ETAA1: variants seen among roughly 807,000 people sequenced by gnomAD.
The protein encoded by ETAA1 is ewing's tumor-associated antigen 1.
In ETAA1, 49 loss-of-function variants were observed where a neutral mutation model predicts 76.8. That is an observed-to-expected ratio of 0.64 (90% CI 0.51 to 0.81). ETAA1 has a LOEUF of 0.81. Among genes scored for constraint, ETAA1 ranks in the 30% least tolerant of loss-of-function variants. ETAA1 has a pLI of 0.00. For missense variants in ETAA1, 1,099 were observed against 1,074.0 expected, an observed-to-expected ratio of 1.02 and a Z score of -0.32; for synonymous variants, 373 against 372.2, an observed-to-expected ratio of 1.00 and a Z score of -0.03.
Position 67,402,939 on chromosome 2 carries a change from A to T in ETAA1, c.507A>T (p.Ala169=), listed in dbSNP as rs1427406813. 3.7e-6 allele frequency: 6 copies of T among 1,606,766 alleles called. No individual in the cohort carries two copies. The highest frequency in any genetic ancestry group is 5.1e-6 in the Non-Finnish European group (6 of 1,176,468). The part of the protein sequence containing the change: ...ETAIPCTPSV[A]KGKSRAKISC... ...CTATTCCTTGTACTCCCAGTGTAGC[A>T]AAAGGAAAATCAAGAGCAAAAATCA... Residue 169 remains alanine, a synonymous_variant, in exon 4 of 6, where the codon GCA becomes GCT. Transcript: ENST00000272342.
At chr2:67,399,459 T>A in intron 2 of ETAA1, 91 bp from the exon 3 acceptor site, 1 of 1,173,744 alleles carries the variant, frequency 8.5e-7, no homozygotes, top group Non-Finnish European at 1.2e-6. Flanking sequence ...TAAGCTGCAC[T>A]AAATAAAATT....
rs754623782 is a variant in ETAA1, at chr2:67,399,540, G to T, written c.353-10G>T. 9 of 1,570,506 alleles carry T rather than the reference G, an allele frequency of 5.7e-6. No homozygotes were observed. Among genetic ancestry groups the T allele is most frequent in the Non-Finnish European group, 5.2e-6 (6 of 1,151,876 alleles). ...GTTTAAAATTTATAGAAATGTCTTT[G>T]TTTCTTTAGGTAAAGGAAGAAAAAA... On this transcript the variant is annotated splice_polypyrimidine_tract_variant and intron_variant, in intron 2 of 5. Transcript: ENST00000272342.
At chr2:67,399,370 C>A in intron 2 of ETAA1, 73 bp downstream of exon 2, 1 of 1,371,270 alleles carries the variant, frequency 7.3e-7, no homozygotes, top group Non-Finnish European at 1.0e-6. Flanking sequence ...GAATTCTAGT[C>A]AGATAATAGC....
At chr2:67,401,025 A>G (rs1676041393) in intron 3 of ETAA1, 2 of 152,166 alleles carry the variant, frequency 1.3e-5, no homozygotes, top group Non-Finnish European at 2.9e-5. Context: ...TGAAAGAAGC[A>G]TAATAAAATG....
chr2:67,399,321 A>C, intron 2 of ETAA1, 24 bp downstream of exon 2: 1 of 1,574,314 alleles, frequency 6.4e-7, no homozygotes, highest in Non-Finnish European at 8.7e-7. Context: ...AACATTTTTT[A>C]TGTGAGTAAA....
chr2:67,407,653 A>G (rs1676255750), intron 5 of ETAA1, among the ~76,000 whole-genome samples: 1 of 152,176 alleles, frequency 6.6e-6, no homozygotes, highest in African/African-American at 2.4e-5. Flanking sequence ...CCTTTCCGAT[A>G]ACATAATTAA....
In ETAA1 at chr2:67,403,705, A is replaced by T. The variant is rs1224500668; in HGVS notation, c.1023A>T (p.Arg341=). The T allele has an allele frequency of 1.2e-5, 19 of 1,613,446 alleles. No homozygotes were observed. The highest frequency in any genetic ancestry group is 1.5e-5 in the Non-Finnish European group (18 of 1,179,474). ...VIEKLSNKTP[R]SLSSQVDTPI... is the part of the protein sequence containing the mutation. ...AAAAACTGTCAAATAAAACCCCACG[A>T]TCACTTTCTTCTCAAGTAGATACAC... Residue 341 remains arginine (R), a synonymous_variant, in exon 5 of 6, where the codon CGA becomes CGT. Coordinates refer to ENST00000272342, the MANE Select transcript of ETAA1 (RefSeq NM_019002.4).
intron 3 of ETAA1, chr2:67,402,626 G>A (rs1676086253): frequency 4.4e-6 from 1 of 227,696 alleles, no homozygotes; most frequent in South Asian, 1.7e-4. Context: ...TAAGCAATTT[G>A]TAATTCTGAA....
chr2:67,404,432 T>G lies in ETAA1; in HGVS notation c.1750T>G (p.Ser584Ala). The change falls in exon 5 of 6, where the codon TCA becomes GCA. Residue 584 changes from serine to alanine, a missense_variant. Physicochemically the swap from Ser to Ala is moderately conservative, Grantham distance 99. Around this residue, in one of 3 missense-constraint regions of ETAA1, gnomAD observed 761 missense variants for 731.9 expected, o/e 1.04. Coordinates refer to ENST00000272342, the MANE Select transcript of ETAA1 (RefSeq NM_019002.4). The stretch of plus-strand genomic sequence containing the variant: ...TTTCTTTGATGATTGGAATGATCCC[T>G]CATTTGCCAATGAAATTATTAAAGC... ...GSFFDDWNDPSFANEIIKACH... is the reference protein window; with the variant it reads ...GSFFDDWNDPAFANEIIKACH... The G allele has an allele frequency of 6.2e-7, 1 of 1,613,314 alleles. No homozygotes were observed. Among genetic ancestry groups the G allele is most frequent in the Non-Finnish European group, 8.5e-7 (1 of 1,179,518 alleles).
intron 3 of ETAA1, among the ~76,000 whole-genome samples, chr2:67,399,920 T>A (rs200069551): frequency 0.62 from 94,393 of 151,282 alleles, 29,600 homozygotes; most frequent in African/African-American, 0.67. Context: ...ACATACGACA[T>A]CATTTTTCAA....
rs891140488 is a variant in ETAA1, at chr2:67,410,940, A to G, written c.*902A>G. 2.0e-5 allele frequency: 3 copies of G among 152,108 alleles called. No individual in the cohort carries two copies. The highest frequency in any genetic ancestry group is 4.8e-5 in the African/African-American group (2 of 41,462). 9.4% of individuals were successfully genotyped at this position (152,108 alleles called of 1,614,324 possible). A position where few individuals can be genotyped will look rare whatever the true frequency, so the allele number is the denominator to read the frequency against. On this transcript the variant is annotated 3_prime_UTR_variant, in exon 6 of 6. Coordinates refer to ENST00000272342, the MANE Select transcript of ETAA1 (RefSeq NM_019002.4). ...AACAAAAGATGTAATTAAAAGCACAATAAGGACTGTTTGATAATAATGCTC... is the reference window on the plus strand; with the variant it reads ...AACAAAAGATGTAATTAAAAGCACAGTAAGGACTGTTTGATAATAATGCTC...
At chr2:67,407,868 CTCAGGGGTG>C (rs1676261340) in intron 5 of ETAA1, among the ~76,000 whole-genome samples, 1 of 151,848 alleles carries the variant, frequency 6.6e-6, no homozygotes. Flanking sequence ...GTCTTGCTGT[CTCAGGGGTG>C]TCAGATGCAG....
intron 5 of ETAA1, among the ~76,000 whole-genome samples, chr2:67,405,696 T>C (rs904771678): frequency 5.9e-5 from 9 of 152,080 alleles, no homozygotes; most frequent in African/African-American, 2.2e-4. Flanking sequence ...TAAATTGTTT[T>C]AAAACTTGAG....
At chr2:67,400,909 A>G (rs1480057500) in intron 3 of ETAA1, 4 of 152,186 alleles carry the variant, frequency 2.6e-5, no homozygotes, top group Non-Finnish European at 5.9e-5. Flanking sequence ...TTAGCATGTC[A>G]TAGAAATTCA....
chr2:67,408,556 C>G (rs2103760780), intron 5 of ETAA1, among the ~76,000 whole-genome samples: 1 of 152,026 alleles, frequency 6.6e-6, no homozygotes, highest in Admixed American at 6.6e-5. Flanking sequence ...AATTACTGAC[C>G]CTTGCACTGT....
rs1676190196 is a variant in ETAA1 at position 67,405,399 on chromosome 2, T to C, written c.2653+64T>C. The C allele has an allele frequency of 3.0e-6, 4 of 1,315,370 alleles. No individual in the cohort carries two copies. The African/African-American group carries it at 6.0e-5, about 20-fold the overall frequency. The allele number at this position is 1,315,370 out of a possible 1,614,324, so 81.5% of individuals were successfully genotyped here. On this transcript the variant is annotated intron_variant, in intron 5 of 5. Transcript: ENST00000272342. ...TCTTAAAAAGTAGTAAAATAATTAT[T>C]TGTTGTTTTTGAGTGTGAGTAATGT...
At chr2:67,405,380 AAAG>A (rs1558582215) in intron 5 of ETAA1, 45 bp downstream of exon 5, 1 of 1,399,742 alleles carries the variant, frequency 7.1e-7, no homozygotes, top group Non-Finnish European at 9.6e-7. Context: ...AGCATCTTAA[AAAG>A]TAGTAAAATA....
chr2:67,400,848 C>T lies in ETAA1; in HGVS notation c.429+1222C>T, dbSNP rs890928044. ...AGCAGCTATAAAATATCCAAAATTA[C>T]ACCTAGCACAGTCAAAACAACTCTG... On this transcript the variant is annotated intron_variant, in intron 3 of 5. Transcript: ENST00000272342. 16 of 152,268 alleles carry T rather than the reference C, an allele frequency of 1.1e-4. No homozygotes were observed. In the Middle Eastern group the frequency reaches 0.01, roughly 97 times the overall value. 9.4% of individuals were successfully genotyped at this position (152,268 alleles called of 1,614,324 possible). A position where few individuals can be genotyped will look rare whatever the true frequency, so the allele number is the denominator to read the frequency against.
chr2:67,403,084 A>G, intron 4 of ETAA1, 110 bp downstream of exon 4: 1 of 1,156,502 alleles, frequency 8.6e-7, no homozygotes, highest in Non-Finnish European at 1.2e-6. Context: ...TAAAATTTCC[A>G]CAGTTTTGAT....
Sources: gnomAD v4.1 joint callset for allele counts (sites outside exome capture counted in the v4.1 genomes callset) on GRCh38, gnomAD v4.1.1 for gene constraint, gnomAD v4.1.1 regional missense constraint, MANE v1.5 for transcripts, NCBI Gene and HGNC (gene_info 2026-07-23, HGNC 2026-07-21) for gene names.